ZNF674: variants seen among roughly 807,000 people sequenced by gnomAD.
ZNF674 encodes zinc finger family member 674.
ZNF674 carries 2 observed loss-of-function variants against 7.0 expected under a neutral mutation model. The observed-to-expected ratio is 0.29, with a 90% CI of 0.12 to 0.90. ZNF674 has a LOEUF of 0.90. ZNF674 is among the 40% of genes least tolerant of loss of function. ZNF674 has a pLI of 0.57. For synonymous variants in ZNF674, 103 were observed against 145.2 expected (o/e 0.71, Z 2.09); for missense variants, 297 against 415.5 (o/e 0.71, Z 2.48).
chrX:46,539,383 GT>G (rs1160545643), intron 3 of ZNF674, among the ~76,000 whole-genome samples: 1 of 112,499 alleles, frequency 8.9e-6, no homozygotes, highest in African/African-American at 3.2e-5. Context: ...CAAATTGACA[GT>G]TCTGAATCAA....
At chrX:46,521,204 C>CAAAAAAAAAAAAAAAAAAA (rs1187228041) in intron 5 of ZNF674, among the ~76,000 whole-genome samples, 1 of 40,726 alleles carries the variant, frequency 2.5e-5, no homozygotes, top group Non-Finnish European at 5.2e-5. Flanking sequence ...GACTCTATCT[C>CAAAAAAAAAAAAAAAAAAA]AAAAAAAAAA....
intron 5 of ZNF674, among the ~76,000 whole-genome samples, chrX:46,526,904 C>A (rs1490454987): frequency 9.0e-6 from 1 of 111,289 alleles, no homozygotes; most frequent in Non-Finnish European, 1.9e-5. Context: ...GTCTACTCTA[C>A]AAAGCACAGT....
At chrX:46,511,948 A>C (rs1941661963) in intron 5 of ZNF674, among the ~76,000 whole-genome samples, 1 of 109,793 alleles carries the variant, frequency 9.1e-6, no homozygotes, top group Admixed American at 9.8e-5. Flanking sequence ...GGTTGAACCC[A>C]AGAGGTGGAG....
chrX:46,508,639 T>C (rs1941587319), intron 5 of ZNF674, among the ~76,000 whole-genome samples: 1 of 109,041 alleles, frequency 9.2e-6, no homozygotes, highest in South Asian at 3.9e-4. Flanking sequence ...TTTTATCTCA[T>C]TGAGCAGTGG....
chrX:46,539,541 A>G (rs1942254951), intron 3 of ZNF674, among the ~76,000 whole-genome samples: 1 of 112,965 alleles, frequency 8.9e-6, no homozygotes, highest in African/African-American at 3.2e-5. Flanking sequence ...GAGAAAGGTA[A>G]ATGAATATTG....
intron 5 of ZNF674, chrX:46,527,903 A>G (rs1289983734): frequency 7.0e-6 from 1 of 143,189 alleles, no homozygotes; most frequent in African/African-American, 3.2e-5. Context: ...CTAAAAAAAA[A>G]AAAAAGACTC....
At chrX:46,501,740 C>T (rs1410097071) in intron 5 of ZNF674, among the ~76,000 whole-genome samples, 1 of 108,521 alleles carries the variant, frequency 9.2e-6, no homozygotes, top group African/African-American at 3.4e-5. Flanking sequence ...ACAAGACCAA[C>T]TTTAAAAATT....
intron 3 of ZNF674, among the ~76,000 whole-genome samples, chrX:46,540,485 A>G (rs919606506): frequency 2.7e-5 from 3 of 112,135 alleles, no homozygotes; most frequent in Non-Finnish European, 5.6e-5. Context: ...AAACTGGTCT[A>G]TAATTTTCTT....
intron 3 of ZNF674, among the ~76,000 whole-genome samples, chrX:46,536,586 C>CAA (rs376640339): frequency 1.1e-4 from 6 of 54,499 alleles, no homozygotes; most frequent in South Asian, 9.3e-4. Context: ...GACTCCGTCT[C>CAA]AAAAAAAAAA....
At chrX:46,529,068 T>C in intron 3 of ZNF674, 159 bp from the exon 4 acceptor site, 1 of 967,982 alleles carries the variant, frequency 1.0e-6, no homozygotes, top group South Asian at 2.3e-5. Flanking sequence ...ACTTGACAGA[T>C]GAAGAGTGTG....
Position 46,500,405 on chromosome X carries a change from C to T in ZNF674, c.1169G>A (p.Arg390Lys). 1.7e-6 allele frequency: 2 copies of T among 1,210,896 alleles called. No individual in the cohort carries two copies. Among genetic ancestry groups the T allele is most frequent in the Non-Finnish European group, 2.2e-6 (2 of 894,694 alleles). The change falls in exon 6 of 6, where the codon AGA (arginine) becomes AAA (lysine). Residue 390 changes from arginine to lysine, a missense_variant. Coordinates refer to ENST00000683375, the MANE Select transcript of ZNF674 (RefSeq NM_001190417.2). Reference protein sequence around the residue: ...YECSKCGKSFRGKSHLSVHQR... With the variant: ...YECSKCGKSFKGKSHLSVHQR... ...ATGAACAGAGAGGTGTGACTTTCCT[C>T]TGAAGCTTTTCCCACATTTACTACA...
chrX:46,500,560 C>T lies in ZNF674; in HGVS notation c.1014G>A (p.Thr338=), dbSNP rs377291882. ...QAFYKGIKCT[T]SSLIYQRIHT... ...GAATTCTTTGATATATAAGGCTGGACGTAGTACATTTAATACCTTTATAAA... is the reference window on the plus strand; with the variant it reads ...GAATTCTTTGATATATAAGGCTGGATGTAGTACATTTAATACCTTTATAAA... Residue 338 remains threonine, a synonymous_variant, in exon 6 of 6, where the codon ACG becomes ACA. Coordinates refer to ENST00000683375, the MANE Select transcript of ZNF674 (RefSeq NM_001190417.2). 273 of 1,209,763 alleles carry T rather than the reference C, an allele frequency of 2.3e-4. No individual in the cohort carries two copies. Among genetic ancestry groups the T allele is most frequent in the Non-Finnish European group, 2.6e-4 (233 of 894,622 alleles).
At chrX:46,521,220 A>G (rs901103642) in intron 5 of ZNF674, among the ~76,000 whole-genome samples, 1 of 109,496 alleles carries the variant, frequency 9.1e-6, no homozygotes, top group African/African-American at 3.3e-5. Flanking sequence ...AAAAAAAAAA[A>G]AAAGACAATC....
rs959672242 is a variant in ZNF674, at chrX:46,498,971, C to G, written c.*872G>C. Reference sequence around the variant, plus strand: ...TTATAATTGTTTGCCACCTCTACACCTCTTCCACAAAATGTTTGGTAAAGA... The same window carrying G: ...TTATAATTGTTTGCCACCTCTACACGTCTTCCACAAAATGTTTGGTAAAGA... On this transcript the variant is annotated 3_prime_UTR_variant, in exon 6 of 6. Transcript: ENST00000683375. The G allele has an allele frequency of 3.6e-5, 4 of 111,568 alleles. No homozygotes were observed. The highest frequency in any genetic ancestry group is 9.8e-5 in the African/African-American group (3 of 30,696). 9.2% of individuals were successfully genotyped at this position (111,568 alleles called of 1,213,427 possible).
intron 3 of ZNF674, among the ~76,000 whole-genome samples, chrX:46,540,881 T>C (rs1027872265): frequency 5.2e-4 from 56 of 107,123 alleles, no homozygotes; most frequent in Non-Finnish European, 9.6e-4. Flanking sequence ...CTGGCCAACA[T>C]GGTAAAGCCC....
chrX:46,514,022 G>A lies in ZNF674; in HGVS notation c.239-12687C>T, dbSNP rs143468364. Among the ~76,000 whole-genome samples the A allele has an allele frequency of 1.3e-3, 143 of 111,436 alleles. 1 individual carries two copies. The East Asian group carries it at 0.017, about 13-fold the overall frequency. On this transcript the variant is annotated intron_variant, in intron 5 of 5. Transcript: ENST00000683375. ...TGAGGCTGCAATGAGCCAAGATGGC[G>A]CCATTGCTCTCCAGCCTAGGCAACA...
In ZNF674 at chrX:46,528,916, C is replaced by T. The variant is rs200824131; in HGVS notation, c.16-7G>A. 120 of 1,209,892 alleles carry T rather than the reference C, an allele frequency of 9.9e-5. No homozygotes were observed. In the East Asian group the frequency reaches 1.4e-3, roughly 14 times the overall value. ...CCTTGAAGGTCAATGATTCCTGTAA[C>T]GGCACATTCCTCTTTAGCACCCCAG... On this transcript the variant is annotated splice_region_variant and splice_polypyrimidine_tract_variant and intron_variant, in intron 3 of 5. Coordinates refer to ENST00000683375, the MANE Select transcript of ZNF674 (RefSeq NM_001190417.2).
intron 5 of ZNF674, chrX:46,517,956 T>A (rs1014554378): frequency 3.6e-5 from 4 of 110,360 alleles, no homozygotes; most frequent in Non-Finnish European, 7.6e-5. Flanking sequence ...TATCAAAATA[T>A]CTGATGTACC....
Position 46,542,863 on chromosome X carries a change from A to G in ZNF674, c.-29-747T>C, listed in dbSNP as rs189143011. Among the ~76,000 whole-genome samples the G allele has an allele frequency of 3.8e-3, 426 of 112,536 alleles. 3 individuals carry two copies. The highest frequency in any genetic ancestry group is 0.013 in the African/African-American group (409 of 31,076). The stretch of plus-strand genomic sequence containing the variant: ...TTGTTTTCAGTTCCTGGGTGTTTAA[A>G]GGGAGGTTCCAACAAAGCAACTGCA... On this transcript the variant is annotated intron_variant, in intron 2 of 5. Coordinates refer to ENST00000683375, the MANE Select transcript of ZNF674 (RefSeq NM_001190417.2).
Sources: gnomAD v4.1 joint callset for allele counts (sites outside exome capture counted in the v4.1 genomes callset) on GRCh38, gnomAD v4.1.1 for gene constraint, MANE v1.5 for transcripts, NCBI Gene and HGNC (gene_info 2026-07-23, HGNC 2026-07-21) for gene names.